The following GJC3 variants were observed in gnomAD, a reference collection of about 807,000 sequenced individuals.
GJC3 encodes gap junction gamma-3 protein.
A neutral mutation model predicts 19.8 loss-of-function variants in GJC3; 17 were observed. The observed-to-expected ratio is 0.86, with a 90% CI of 0.59 to 1.29. The LOEUF (loss-of-function observed/expected upper bound fraction) is 1.29. GJC3 is among the 50% of genes most tolerant of loss of function. The pLI, the probability that GJC3 is intolerant of heterozygous loss-of-function variation, is 0.00. For missense variants in GJC3, 317 were observed against 332.5 expected (o/e 0.95, Z 0.36); for synonymous variants, 140 against 136.5 (o/e 1.03, Z -0.18).
At chr7:99,928,730 A>C in intron 1 of GJC3, 110 bp downstream of exon 1, 1 of 1,019,234 alleles carries the variant, frequency 9.8e-7, no homozygotes, top group South Asian at 1.3e-5. Context: ...CTGGTTACCT[A>C]CTTTGTAACA....
chr7:99,929,584 C>T lies in GJC3; in HGVS notation c.37G>A (p.Glu13Lys). ...GRFLRRLLAE[E>K]SRRSTPVGRL... Reference sequence around the variant, plus strand: ...CCCACGGGGGTGGAGCGCCGGCTCTCCTCCGCCAGCAGCCGCCGCAGGAAC... The same window carrying T: ...CCCACGGGGGTGGAGCGCCGGCTCTTCTCCGCCAGCAGCCGCCGCAGGAAC... Residue 13 changes from glutamate to lysine, a missense_variant, in exon 1 of 2, where the codon GAG (glutamate) becomes AAG (lysine). Physicochemically the swap from Glu to Lys is moderately conservative, Grantham distance 56. Coordinates refer to ENST00000312891, the MANE Select transcript of GJC3 (RefSeq NM_181538.3). The T allele has an allele frequency of 6.2e-7, 1 of 1,610,072 alleles. No homozygotes were observed. Among genetic ancestry groups the T allele is most frequent in the Non-Finnish European group, 8.5e-7 (1 of 1,179,432 alleles).
At chr7:99,924,612 C>T (rs1819754819) in intron 1 of GJC3, among the ~76,000 whole-genome samples, 1 of 152,198 alleles carries the variant, frequency 6.6e-6, no homozygotes, top group African/African-American at 2.4e-5. Context: ...TATATTTCCC[C>T]TCCTTGCGGT....
rs1019127755 is a variant in GJC3 at position 99,925,430 on chromosome 7, T to C, written c.782-1827A>G. 3.9e-5 allele frequency among the ~76,000 whole-genome samples: 6 copies of C among 152,314 alleles called. No individual in the cohort carries two copies. In the East Asian group the frequency reaches 7.7e-4, roughly 20 times the overall value. ...GAGACCTAAATGTAAGAGCTGAAAC[T>C]ATACAACTCTTATGGAAACATAGGC... is the stretch of plus-strand genomic sequence containing the variant. On this transcript the variant is annotated intron_variant, in intron 1 of 1. Coordinates refer to ENST00000312891, the MANE Select transcript of GJC3 (RefSeq NM_181538.3).
rs752704013 is a variant in GJC3 at position 99,929,327 on chromosome 7, G to A, written c.294C>T (p.His98=). 5.6e-6 allele frequency: 9 copies of A among 1,614,042 alleles called. No individual in the cohort carries two copies. The South Asian group carries it at 7.7e-5, about 14-fold the overall frequency. Residue 98 remains histidine (H), a synonymous_variant, in exon 1 of 2, where the codon CAC becomes CAT. Coordinates refer to ENST00000312891, the MANE Select transcript of GJC3 (RefSeq NM_181538.3). The part of the protein sequence containing the change: ...SALYMGFTLY[H]VIWHWELSGK... ...CTGATAATTCCCAGTGCCAGATCAC[G>A]TGATACAGAGTGAAACCCATATAGA...
chr7:99,926,718 T>C (rs1446024957), intron 1 of GJC3, among the ~76,000 whole-genome samples: 1 of 152,160 alleles, frequency 6.6e-6, no homozygotes, highest in Non-Finnish European at 1.5e-5. Flanking sequence ...TTTAAGTTGA[T>C]GAAAATGTTA....
chr7:99,923,396 T>C lies in GJC3; in HGVS notation c.*149A>G. 3 of 736,624 alleles carry C rather than the reference T, an allele frequency of 4.1e-6. No homozygotes were observed. Among genetic ancestry groups the C allele is most frequent in the East Asian group, 4.9e-5 (2 of 40,432 alleles). The allele number at this position is 736,624 out of a possible 1,614,324, so 45.6% of individuals were successfully genotyped here. On this transcript the variant is annotated 3_prime_UTR_variant, in exon 2 of 2. Coordinates refer to ENST00000312891, the MANE Select transcript of GJC3 (RefSeq NM_181538.3). ...ATTAGTCTGGTTAGCTGAGTCATTG[T>C]ATGTAGAGGTGGAGTCAAGGCAGCG...
In GJC3 at chr7:99,929,569, T is replaced by G. The variant is rs1584284550; in HGVS notation, c.52A>C (p.Thr18Pro). ...GGAAGCAAGAGGCGCCCCACGGGGG[T>G]GGAGCGCCGGCTCTCCTCCGCCAGC... ...RLLAEESRRS[T>P]PVGRLLLPVL... The change falls in exon 1 of 2, where the codon ACC (threonine) becomes CCC (proline). Residue 18 changes from threonine to proline, a missense_variant. Physicochemically the swap from Thr to Pro is conservative, Grantham distance 38. Transcript: ENST00000312891. The G allele has an allele frequency of 2.5e-6, 4 of 1,611,764 alleles. No individual in the cohort carries two copies. Among genetic ancestry groups the G allele is most frequent in the Non-Finnish European group, 3.4e-6 (4 of 1,179,740 alleles).
Position 99,923,473 on chromosome 7 carries a change from G to A in GJC3, c.*72C>T. 1 of 778,902 alleles carries A rather than the reference G, an allele frequency of 1.3e-6. No individual in the cohort carries two copies. Among genetic ancestry groups the A allele is most frequent in the South Asian group, 1.3e-5 (1 of 74,516 alleles). The allele number at this position is 778,902 out of a possible 1,614,324, so 48.2% of individuals were successfully genotyped here. A position where few individuals can be genotyped will look rare whatever the true frequency, so the allele number is the denominator to read the frequency against. ...ACATATGTCACATGTATAGAAAATG[G>A]TGAATAAGCTCCTCCTTGGACAGGA... On this transcript the variant is annotated 3_prime_UTR_variant, in exon 2 of 2. Coordinates refer to ENST00000312891, the MANE Select transcript of GJC3 (RefSeq NM_181538.3).
At chr7:99,930,108 C>T (rs1584284816), upstream of GJC3, among the ~76,000 whole-genome samples, 2 of 152,362 alleles carry the variant, frequency 1.3e-5, no homozygotes, top group African/African-American at 4.8e-5. Context: ...TGTGCATTCT[C>T]TTGCGGTCTT....
At chr7:99,926,574 A>G (rs886207274) in intron 1 of GJC3, among the ~76,000 whole-genome samples, 5 of 152,254 alleles carry the variant, frequency 3.3e-5, no homozygotes, top group African/African-American at 1.2e-4. Context: ...AAGAAGCCAG[A>G]CATGAAAGAC....
upstream of GJC3, among the ~76,000 whole-genome samples, chr7:99,930,243 G>A (rs1221688945): frequency 6.6e-6 from 1 of 152,228 alleles, no homozygotes; most frequent in Non-Finnish European, 1.5e-5. Flanking sequence ...GAAATGAACA[G>A]AGCAAGCATC....
rs759126840 is a variant in GJC3, at chr7:99,929,566, G to C, written c.55C>G (p.Pro19Ala). 1.9e-6 allele frequency: 3 copies of C among 1,612,262 alleles called. No homozygotes were observed. The highest frequency in any genetic ancestry group is 1.3e-5 in the African/African-American group (1 of 74,938). The change falls in exon 1 of 2, where the codon CCC becomes GCC. Residue 19 changes from proline to alanine, a missense_variant. Coordinates refer to ENST00000312891, the MANE Select transcript of GJC3 (RefSeq NM_181538.3). ...LLAEESRRST[P>A]VGRLLLPVLL... ...ACGGGAAGCAAGAGGCGCCCCACGG[G>C]GGTGGAGCGCCGGCTCTCCTCCGCC...
chr7:99,924,740 T>A (rs1329460375), intron 1 of GJC3, among the ~76,000 whole-genome samples: 1 of 152,242 alleles, frequency 6.6e-6, no homozygotes, highest in Non-Finnish European at 1.5e-5. Context: ...CAATACTATG[T>A]TGTTTATTTT....
At chr7:99,927,574 G>T (rs2115585571) in intron 1 of GJC3, among the ~76,000 whole-genome samples, 1 of 151,706 alleles carries the variant, frequency 6.6e-6, no homozygotes, top group East Asian at 1.9e-4. Context: ...AAAAAAAATA[G>T]ATAACTGCCT....
upstream of GJC3, among the ~76,000 whole-genome samples, chr7:99,930,653 G>A (rs1207550074): frequency 6.6e-6 from 1 of 152,142 alleles, no homozygotes; most frequent in Non-Finnish European, 1.5e-5. Flanking sequence ...AGACCATGTG[G>A]TATGGTCTGA....
intron 1 of GJC3, among the ~76,000 whole-genome samples, chr7:99,927,791 C>T (rs993310643): frequency 1.3e-5 from 2 of 152,202 alleles, no homozygotes; most frequent in South Asian, 4.1e-4. Flanking sequence ...CAGTAGAACT[C>T]TACTGCTTTT....
At position 99,929,005 on chromosome 7, in the gene GJC3, T is replaced by C. The variant is rs1225728646; in HGVS notation, c.616A>G (p.Thr206Ala). ...CCCAGAAGCACAAGCTCCAAAAAAG[T>C]AAACAAGAGACAGAAACCGCTGACT... ...FGVSGFCLLF[T>A]FLELVLLGLG... The change falls in exon 1 of 2, where the codon ACT becomes GCT. Residue 206 changes from threonine to alanine, a missense_variant. Transcript: ENST00000312891. 12 of 1,613,976 alleles carry C rather than the reference T, an allele frequency of 7.4e-6. No homozygotes were observed. Among genetic ancestry groups the C allele is most frequent in the Non-Finnish European group, 9.3e-6 (11 of 1,179,986 alleles).
chr7:99,923,352 T>C lies in GJC3; in HGVS notation c.*193A>G, dbSNP rs575173856. 48 of 631,828 alleles carry C rather than the reference T, an allele frequency of 7.6e-5. No homozygotes were observed. Among genetic ancestry groups the C allele is most frequent in the Admixed American group, 3.0e-4 (12 of 40,412 alleles). 39.1% of individuals were successfully genotyped at this position (631,828 alleles called of 1,614,324 possible). A position where few individuals can be genotyped will look rare whatever the true frequency, so the allele number is the denominator to read the frequency against. ...CCCAAAGCAATGCCTCCCTGAGCAATGGTGCAAACATGGCTTTTATTAGTC... is the reference window on the plus strand; with the variant it reads ...CCCAAAGCAATGCCTCCCTGAGCAACGGTGCAAACATGGCTTTTATTAGTC... On this transcript the variant is annotated 3_prime_UTR_variant, in exon 2 of 2. Coordinates refer to ENST00000312891, the MANE Select transcript of GJC3 (RefSeq NM_181538.3).
intron 1 of GJC3, among the ~76,000 whole-genome samples, chr7:99,927,080 C>T (rs981197745): frequency 1.3e-5 from 2 of 152,154 alleles, no homozygotes; most frequent in East Asian, 1.9e-4. Context: ...GAAGAAGTTA[C>T]GAAGTTGCAA....
Sources: gnomAD v4.1 joint callset for allele counts (sites outside exome capture counted in the v4.1 genomes callset) on GRCh38, gnomAD v4.1.1 for gene constraint, MANE v1.5 for transcripts, NCBI Gene and HGNC (gene_info 2026-07-23, HGNC 2026-07-21) for gene names.